Variants in WWC2 observed in about 807,000 individuals in gnomAD.
WWC2 encodes protein WWC2.
In WWC2, 101 loss-of-function variants were observed where a neutral mutation model predicts 138.5. The ratio of observed to expected loss-of-function variants is 0.73; its 90% confidence interval spans 0.62 to 0.86. The LOEUF is 0.86. Ranked by LOEUF, WWC2 falls within the 40% of genes least tolerant of loss-of-function variation. WWC2 has a pLI of 0.00. For synonymous variants in WWC2, 558 were observed against 538.4 expected, an observed-to-expected ratio of 1.04 and a Z score of -0.50; for missense variants, 1,420 against 1,419.4, an observed-to-expected ratio of 1.00 and a Z score of -0.01.
chr4:183,279,975 C>T (rs1204349503), intron 16 of WWC2, among the ~76,000 whole-genome samples: 1 of 152,008 alleles, frequency 6.6e-6, no homozygotes, highest in African/African-American at 2.4e-5. Flanking sequence ...GTGTATGGAT[C>T]ATCTGTGGGT....
At chr4:183,254,176 A>C (rs1254420811) in intron 9 of WWC2, among the ~76,000 whole-genome samples, 177 bp downstream of exon 9, 1 of 152,236 alleles carries the variant, frequency 6.6e-6, no homozygotes, top group African/African-American at 2.4e-5. Flanking sequence ...CGACAGGATA[A>C]GTTCTGTGTT....
intron 5 of WWC2, among the ~76,000 whole-genome samples, chr4:183,244,334 G>A (rs555265953): frequency 3.3e-5 from 5 of 152,162 alleles, no homozygotes; most frequent in South Asian, 2.1e-4. Context: ...TAGGCCCTTC[G>A]AACACAAAGA....
Position 183,193,636 on chromosome 4 carries a change from G to A in WWC2, c.169G>A (p.Asp57Asn), listed in dbSNP as rs1735053021. Residue 57 changes from aspartate to asparagine, a missense_variant, in exon 2 of 23, where the codon GAT (aspartate) becomes AAT (asparagine). Coordinates refer to ENST00000403733, the MANE Select transcript of WWC2 (RefSeq NM_024949.6). Reference sequence around the variant, plus strand: ...CTTGTCATTTGCTGATTGTGTTGGGGATGAGCTGCCGTGGGGATGGGAAGC... The same window carrying A: ...CTTGTCATTTGCTGATTGTGTTGGGAATGAGCTGCCGTGGGGATGGGAAGC... Reference protein sequence around the residue: ...KPLSFADCVGDELPWGWEAGF... With the variant: ...KPLSFADCVGNELPWGWEAGF... 1.2e-6 allele frequency: 2 copies of A among 1,613,960 alleles called. No individual in the cohort carries two copies.
At position 183,099,642 on chromosome 4, in the gene WWC2, G is replaced by A. The variant is rs1462943941; in HGVS notation, c.131+20G>A. 3 of 1,297,570 alleles carry A rather than the reference G, an allele frequency of 2.3e-6. No individual in the cohort carries two copies. Among genetic ancestry groups the A allele is most frequent in the Non-Finnish European group, 3.0e-6 (3 of 1,006,394 alleles). The allele number at this position is 1,297,570 out of a possible 1,614,324, so 80.4% of individuals were successfully genotyped here. A position where few individuals can be genotyped will look rare whatever the true frequency, so the allele number is the denominator to read the frequency against. On this transcript the variant is annotated intron_variant, in intron 1 of 22. Transcript: ENST00000403733. Reference sequence around the variant, plus strand: ...GGACAGGTGGGCGCCGGCCGCGGGGGCGCGGGCCCGTTCGGACACGGCGGC... The same window carrying A: ...GGACAGGTGGGCGCCGGCCGCGGGGACGCGGGCCCGTTCGGACACGGCGGC...
At chr4:183,182,342 T>C (rs1734655807) in intron 1 of WWC2, among the ~76,000 whole-genome samples, 1 of 152,198 alleles carries the variant, frequency 6.6e-6, no homozygotes, top group African/African-American at 2.4e-5. Flanking sequence ...CACCATGAAA[T>C]TGACTGGCTG....
intron 4 of WWC2, among the ~76,000 whole-genome samples, chr4:183,215,826 A>G (rs1489873750): frequency 6.6e-6 from 1 of 152,298 alleles, no homozygotes; most frequent in African/African-American, 2.4e-5. Context: ...TAATTCTTAA[A>G]TGCCCTTATA....
In WWC2 at chr4:183,319,719, A is replaced by C. The variant is rs1739571453; in HGVS notation, c.*3990A>C. On this transcript the variant is annotated 3_prime_UTR_variant, in exon 23 of 23. Coordinates refer to ENST00000403733, the MANE Select transcript of WWC2 (RefSeq NM_024949.6). ...AGAAAGTCCAGCAAACCAGCCCAGA[A>C]ACAGGGCCTCCCCAAACTCCCACCT... 1 of 1,614,092 alleles carries C rather than the reference A, an allele frequency of 6.2e-7. No individual in the cohort carries two copies. The highest frequency in any genetic ancestry group is 8.5e-7 in the Non-Finnish European group (1 of 1,180,014).
intron 1 of WWC2, among the ~76,000 whole-genome samples, chr4:183,167,027 G>A (rs1429590720): frequency 1.3e-5 from 2 of 152,108 alleles, no homozygotes; most frequent in African/African-American, 2.4e-5. Flanking sequence ...CCTGTATGAC[G>A]TCATATATGG....
rs142200150 is a variant in WWC2 at position 183,153,334 on chromosome 4, G to A, written c.132-40265G>A. On this transcript the variant is annotated intron_variant, in intron 1 of 22. Transcript: ENST00000403733. ...TTACAGAGTAGGAGATTCAAGTAGG[G>A]CTTCAAAGCCTAGACTTAGTCCTCT... Among the ~76,000 whole-genome samples, 85 of 152,278 alleles carry A rather than the reference G, an allele frequency of 5.6e-4. 1 individual carries two copies. The East Asian group carries it at 0.012, about 21-fold the overall frequency.
intron 21 of WWC2, among the ~76,000 whole-genome samples, chr4:183,294,459 C>T (rs920323382): frequency 1.3e-5 from 2 of 152,192 alleles, no homozygotes; most frequent in African/African-American, 4.8e-5. Context: ...ATACAGAGCT[C>T]TCTAGAAACA....
At chr4:183,236,924 A>G (rs962514376) in intron 4 of WWC2, among the ~76,000 whole-genome samples, 2 of 152,166 alleles carry the variant, frequency 1.3e-5, no homozygotes, top group Non-Finnish European at 2.9e-5. Context: ...GTCCTCTTCA[A>G]CTTCTTTAAT....
rs370101040 is a variant in WWC2 at position 183,320,048 on chromosome 4, T to A, written c.*4319T>A. The A allele has an allele frequency of 8.7e-6, 14 of 1,613,986 alleles. No homozygotes were observed. The African/African-American group carries it at 1.6e-4, about 18-fold the overall frequency. On this transcript the variant is annotated 3_prime_UTR_variant, in exon 23 of 23. Transcript: ENST00000403733. ...CCTTGCATTGCATCCCCACTTCCTC[T>A]TGGATGACACAGGTTTGCCAGAGTC...
At position 183,269,006 on chromosome 4, in the gene WWC2, A is replaced by T; in HGVS notation, c.2243A>T (p.Asp748Val). The change falls in exon 15 of 23, where the codon GAT (aspartate) becomes GTT (valine). Residue 748 changes from aspartate to valine, a missense_variant. Asp to Val is a radical substitution (Grantham distance 152, BLOSUM62 -3). Coordinates refer to ENST00000403733, the MANE Select transcript of WWC2 (RefSeq NM_024949.6). ...GTTGCCGTTCTTCCTTCCTCAACTG[A>T]TGTCAGCTGTCTGTTTCGCACAAAA... ...FRVAVLPSSTDVSCLFRTKVH... is the reference protein window; with the variant it reads ...FRVAVLPSSTVVSCLFRTKVH... 1 of 1,613,636 alleles carries T rather than the reference A, an allele frequency of 6.2e-7. No homozygotes were observed. Among genetic ancestry groups the T allele is most frequent in the Non-Finnish European group, 8.5e-7 (1 of 1,179,836 alleles).
intron 1 of WWC2, among the ~76,000 whole-genome samples, chr4:183,180,722 A>C (rs1005227058): frequency 6.6e-6 from 1 of 152,008 alleles, no homozygotes; most frequent in African/African-American, 2.4e-5. Flanking sequence ...AAATGATAGA[A>C]GCTAGACACA....
intron 5 of WWC2, among the ~76,000 whole-genome samples, chr4:183,243,764 TGTGTGTG>T (rs1736686502): frequency 6.7e-6 from 1 of 150,364 alleles, no homozygotes; most frequent in South Asian, 2.1e-4. Flanking sequence ...TGTGTGTGTG[TGTGTGTG>T]TGTGTGTGTG....
chr4:183,183,782 CA>C (rs1225992753), intron 1 of WWC2, among the ~76,000 whole-genome samples: 22 of 141,432 alleles, frequency 1.6e-4, no homozygotes, highest in African/African-American at 1.0e-4. Flanking sequence ...GACCCTGTCT[CA>C]AAAAAAAAAG....
chr4:183,228,282 A>G (rs1392748785), intron 4 of WWC2, among the ~76,000 whole-genome samples: 1 of 152,128 alleles, frequency 6.6e-6, no homozygotes. Context: ...TGTGGGCCCC[A>G]AAATATATAA....
intron 1 of WWC2, among the ~76,000 whole-genome samples, chr4:183,110,493 A>G (rs1732198787): frequency 7.0e-6 from 1 of 143,624 alleles, no homozygotes; most frequent in South Asian, 2.1e-4. Context: ...CCCTGATGTC[A>G]GTAAACAAAT....
At chr4:183,164,305 T>C (rs1734053369) in intron 1 of WWC2, among the ~76,000 whole-genome samples, 1 of 718 alleles carries the variant, frequency 1.4e-3, no homozygotes, top group South Asian at 0.071. Flanking sequence ...TATATACATA[T>C]ATATATTATA....
Sources: gnomAD v4.1 joint callset for allele counts (sites outside exome capture counted in the v4.1 genomes callset) on GRCh38, gnomAD v4.1.1 for gene constraint, MANE v1.5 for transcripts, NCBI Gene and HGNC (gene_info 2026-07-23, HGNC 2026-07-21) for gene names.